The following PCDHA1 variants were observed in gnomAD, a reference collection of about 807,000 sequenced individuals.
The protein encoded by PCDHA1 is protocadherin alpha 1.
PCDHA1 carries 42 observed loss-of-function variants against 61.3 expected under a neutral mutation model. That is an observed-to-expected ratio of 0.69 (90% confidence interval 0.54 to 0.89). The LOEUF (loss-of-function observed/expected upper bound fraction) is 0.89. Among genes scored for constraint, PCDHA1 ranks in the 40% least tolerant of loss-of-function variants. PCDHA1 has a pLI of 0.00. For missense variants in PCDHA1, 1,256 were observed against 1,235.3 expected, an observed-to-expected ratio of 1.02 and a Z score of -0.25; for synonymous variants, 610 against 553.8, an observed-to-expected ratio of 1.10 and a Z score of -1.43.
At chr5:140,871,033 C>G (rs201299652) in intron 1 of PCDHA1, 336 of 1,613,234 alleles carry the variant, frequency 2.1e-4, no homozygotes, top group Non-Finnish European at 2.7e-4. Flanking sequence ...CTCGCCGCGC[C>G]ACCGACTTCT....
chr5:140,987,407 T>C (rs1301920693), intron 3 of PCDHA1, among the ~76,000 whole-genome samples: 3 of 152,148 alleles, frequency 2.0e-5, no homozygotes, highest in Non-Finnish European at 4.4e-5. Flanking sequence ...CATCTGTTTA[T>C]GGTTCTTGTG....
chr5:140,986,220 T>C (rs2097190951), intron 3 of PCDHA1, among the ~76,000 whole-genome samples: 1 of 152,194 alleles, frequency 6.6e-6, no homozygotes, highest in African/African-American at 2.4e-5. Flanking sequence ...CCCCTTTCTC[T>C]AGCCTCCCCT....
chr5:140,966,426 C>T, intron 1 of PCDHA1: 1 of 421,820 alleles, frequency 2.4e-6, no homozygotes. Flanking sequence ...ACTTGCTGAG[C>T]CCTCCTACCG....
At chr5:140,984,083 A>C (rs2097086103) in intron 3 of PCDHA1, among the ~76,000 whole-genome samples, 1 of 152,226 alleles carries the variant, frequency 6.6e-6, no homozygotes, top group South Asian at 2.1e-4. Context: ...GATGGAGTGA[A>C]GAAATGATGG....
chr5:140,831,524 T>G lies in PCDHA1; in HGVS notation c.2394+42840T>G, dbSNP rs1771606843. ...GAGCACCACCATGCCCCCCACCTTT[T>G]TTTTTTTTTTTTTTTTTTTTAAGAG... On this transcript the variant is annotated intron_variant, in intron 1 of 3. Coordinates refer to ENST00000504120, the MANE Select transcript of PCDHA1 (RefSeq NM_018900.4). Among the ~76,000 whole-genome samples, 5 of 26,740 alleles carry G rather than the reference T, an allele frequency of 1.9e-4. No individual in the cohort carries two copies. The South Asian group carries it at 4.8e-3, about 26-fold the overall frequency. 17.5% of individuals were successfully genotyped at this position (26,740 alleles called of 152,430 possible).
At chr5:140,809,014 C>A (rs1562221741) in intron 1 of PCDHA1, 11 of 1,613,716 alleles carry the variant, frequency 6.8e-6, no homozygotes, top group Non-Finnish European at 9.3e-6. Context: ...GGCTTTCGTA[C>A]GAGCTGCAGC....
chr5:140,801,406 G>C, intron 1 of PCDHA1: 6 of 1,613,774 alleles, frequency 3.7e-6, no homozygotes, highest in East Asian at 2.2e-5. Flanking sequence ...GCGTCCAAAA[G>C]ACACGGGGAC....
chr5:140,841,294 A>C, intron 1 of PCDHA1: 1 of 1,563,306 alleles, frequency 6.4e-7, no homozygotes, highest in Non-Finnish European at 8.6e-7. Flanking sequence ...TTAAGATAAT[A>C]TTTTCTGATA....
At chr5:140,828,115 A>G (rs2150151163) in intron 1 of PCDHA1, 1 of 1,612,394 alleles carries the variant, frequency 6.2e-7, no homozygotes, top group Non-Finnish European at 8.5e-7. Flanking sequence ...CGGAGGATAG[A>G]TTGGGAAAGC....
rs1317790189 is a variant in PCDHA1, at chr5:140,794,892, T to C, written c.2394+6208T>C. 3 of 1,469,460 alleles carry C rather than the reference T, an allele frequency of 2.0e-6. No homozygotes were observed. The East Asian group carries it at 6.8e-5, about 33-fold the overall frequency. The allele number at this position is 1,469,460 out of a possible 1,614,324, so 91.0% of individuals were successfully genotyped here. Reference sequence around the variant, plus strand: ...AGGAATAAGAGAAGCAGCAGGACTTTAACAGAGACTAGAATATTTAAATTT... The same window carrying C: ...AGGAATAAGAGAAGCAGCAGGACTTCAACAGAGACTAGAATATTTAAATTT... On this transcript the variant is annotated intron_variant, in intron 1 of 3. Coordinates refer to ENST00000504120, the MANE Select transcript of PCDHA1 (RefSeq NM_018900.4).
chr5:140,793,768 A>G (rs1761805428), intron 1 of PCDHA1, among the ~76,000 whole-genome samples: 1 of 152,216 alleles, frequency 6.6e-6, no homozygotes, highest in African/African-American at 2.4e-5. Flanking sequence ...AGTAATTAAC[A>G]CAAAAAAAGA....
intron 1 of PCDHA1, among the ~76,000 whole-genome samples, chr5:140,963,436 T>C (rs148474994): frequency 0.01 from 1,563 of 152,364 alleles, 89 homozygotes; most frequent in Admixed American, 0.092. Context: ...ACTAACTTCA[T>C]ACTCTGTTGC....
rs2150214360 is a variant in PCDHA1, at chr5:140,834,230, C to A, written c.2394+45546C>A. On this transcript the variant is annotated intron_variant, in intron 1 of 3. Coordinates refer to ENST00000504120, the MANE Select transcript of PCDHA1 (RefSeq NM_018900.4). Reference sequence around the variant, plus strand: ...TCTTTCGTAATCAGCAAAAGGAAGTCATTCCTTTTCGCACTGGAAAGACGC... The same window carrying A: ...TCTTTCGTAATCAGCAAAAGGAAGTAATTCCTTTTCGCACTGGAAAGACGC... 11 of 727,690 alleles carry A rather than the reference C, an allele frequency of 1.5e-5. No individual in the cohort carries two copies. In the African/African-American group the frequency reaches 1.8e-4, roughly 12 times the overall value. The allele number at this position is 727,690 out of a possible 1,614,324, so 45.1% of individuals were successfully genotyped here. A position where few individuals can be genotyped will look rare whatever the true frequency, so the allele number is the denominator to read the frequency against.
intron 1 of PCDHA1, chr5:140,834,480 T>C: frequency 1.2e-6 from 2 of 1,614,154 alleles, no homozygotes; most frequent in Non-Finnish European, 8.5e-7. Flanking sequence ...CCAGCTCCAC[T>C]ACTCGGTCCC....
chr5:140,980,878 G>A (rs528577692), intron 2 of PCDHA1, among the ~76,000 whole-genome samples: 6 of 152,118 alleles, frequency 3.9e-5, no homozygotes, highest in East Asian at 1.9e-4. Context: ...GGGTGTTCTC[G>A]GTCTTTCCAG....
chr5:140,787,604 G>A lies in PCDHA1; in HGVS notation c.1314G>A (p.Thr438=), dbSNP rs782630846. 7.4e-6 allele frequency: 12 copies of A among 1,614,080 alleles called. No homozygotes were observed. In the South Asian group the frequency reaches 1.1e-4, roughly 15 times the overall value. Residue 438 remains threonine, a synonymous_variant, in exon 1 of 4, where the codon ACG becomes ACA. Coordinates refer to ENST00000504120, the MANE Select transcript of PCDHA1 (RefSeq NM_018900.4). The part of the protein sequence containing the change: ...RDGGSPSLWA[T]ARVSVEVADV... The stretch of plus-strand genomic sequence containing the variant: ...GGGGCTCGCCTTCGCTGTGGGCCAC[G>A]GCCAGGGTGTCCGTGGAGGTGGCCG...
chr5:140,928,944 A>G (rs782627710), intron 1 of PCDHA1: 1 of 1,614,070 alleles, frequency 6.2e-7, no homozygotes, highest in South Asian at 1.1e-5. Context: ...ACTTGTATTT[A>G]GTAATTGCCT....
rs1458261257 is a variant in PCDHA1, at chr5:140,941,194, TCTTTCTTCCTTTCTTTCTTC to T, written c.2395-37747_2395-37728del. Among the ~76,000 whole-genome samples the T allele has an allele frequency of 1.9e-3, 217 of 112,428 alleles. 2 individuals carry two copies. Among genetic ancestry groups the T allele is most frequent in the African/African-American group, 6.9e-3 (195 of 28,326 alleles). 73.8% of individuals were successfully genotyped at this position (112,428 alleles called of 152,430 possible). A position where few individuals can be genotyped will look rare whatever the true frequency, so the allele number is the denominator to read the frequency against. On this transcript the variant is annotated intron_variant, in intron 1 of 3. Coordinates refer to ENST00000504120, the MANE Select transcript of PCDHA1 (RefSeq NM_018900.4). ...CTTGAACATCCTGCTTCTTTTTTTT[TCTTTCTTCCTTTCTTTCTTC>T]CTTTCTTTCTTTCTTTCTTTCTTTC...
Position 140,969,025 on chromosome 5 carries a change from T to G in PCDHA1, c.2395-9924T>G, listed in dbSNP as rs1554231368. On this transcript the variant is annotated intron_variant, in intron 1 of 3. Transcript: ENST00000504120. ...TCTGTGGAGTAAGGGAAAGGTCCCC[T>G]GCAGAACTGTACAAACAAGCCAACA... The G allele has an allele frequency of 1.9e-6, 3 of 1,614,178 alleles. No individual in the cohort carries two copies. The East Asian group carries it at 6.7e-5, about 36-fold the overall frequency.
Sources: gnomAD v4.1 joint callset for allele counts (sites outside exome capture counted in the v4.1 genomes callset) on GRCh38, gnomAD v4.1.1 for gene constraint, MANE v1.5 for transcripts, NCBI Gene and HGNC (gene_info 2026-07-23, HGNC 2026-07-21) for gene names.